SGCZ: variants seen among roughly 807,000 people sequenced by gnomAD.
SGCZ encodes the protein zeta-sarcoglycan.
SGCZ carries 40 observed loss-of-function variants against 41.3 expected under a neutral mutation model. The ratio of observed to expected loss-of-function variants is 0.97; its 90% CI spans 0.75 to 1.26. SGCZ has a LOEUF of 1.26. Among genes scored for constraint, SGCZ ranks in the 50% most tolerant of loss-of-function variants. SGCZ has a pLI of 0.00. For synonymous variants in SGCZ, 206 were observed against 137.5 expected (o/e 1.50, Z -3.49); for missense variants, 552 against 369.8 (o/e 1.49, Z -4.04).
At position 14,372,057 on chromosome 8, in the gene SGCZ, C is replaced by T. The variant is rs116645571; in HGVS notation, c.235-47853G>A. Among the ~76,000 whole-genome samples the T allele has an allele frequency of 5.0e-3, 758 of 151,766 alleles. 5 individuals carry two copies. Among genetic ancestry groups the T allele is most frequent in the African/African-American group, 0.018 (739 of 41,404 alleles). ...ATAGATCAATATGGACTAGAATAAA[C>T]TAGAGAAAATTAATGGAAATGGAGA... On this transcript the variant is annotated intron_variant, in intron 2 of 7. Transcript: ENST00000382080.
intron 1 of SGCZ, among the ~76,000 whole-genome samples, chr8:15,033,772 C>T (rs896220947): frequency 6.6e-6 from 1 of 152,146 alleles, no homozygotes; most frequent in East Asian, 1.9e-4. Flanking sequence ...TTCAGGTTGT[C>T]TCCTGAGGAT....
chr8:14,703,627 G>C (rs550356190), intron 1 of SGCZ, among the ~76,000 whole-genome samples: 514 of 152,058 alleles, frequency 3.4e-3, no homozygotes, highest in African/African-American at 0.011. Context: ...TTATGGTATA[G>C]CATTCATTGC....
chr8:14,498,018 G>A (rs942031968), intron 2 of SGCZ, among the ~76,000 whole-genome samples: 1 of 152,150 alleles, frequency 6.6e-6, no homozygotes, highest in African/African-American at 2.4e-5. Flanking sequence ...AGCAAGTGGT[G>A]AAGATACATA....
intron 1 of SGCZ, among the ~76,000 whole-genome samples, chr8:15,074,691 C>T (rs1370416285): frequency 1.3e-5 from 2 of 152,184 alleles, no homozygotes; most frequent in African/African-American, 2.4e-5. Context: ...TTCCTCCCGA[C>T]TCACGATTCC....
intron 1 of SGCZ, among the ~76,000 whole-genome samples, chr8:15,079,181 TTCC>T (rs2131041534): frequency 6.6e-6 from 1 of 152,336 alleles, no homozygotes; most frequent in East Asian, 1.9e-4. Flanking sequence ...GTTTTAGTTT[TTCC>T]TCCTATATTT....
chr8:14,589,743 A>G (rs1805181151), intron 1 of SGCZ, among the ~76,000 whole-genome samples: 1 of 152,156 alleles, frequency 6.6e-6, no homozygotes. Flanking sequence ...TAAAAGAAAA[A>G]CACACAGCAC....
intron 1 of SGCZ, among the ~76,000 whole-genome samples, chr8:14,767,514 C>T (rs1233587771): frequency 1.3e-5 from 2 of 152,054 alleles, no homozygotes; most frequent in Admixed American, 1.3e-4. Flanking sequence ...ACCAGTAAGA[C>T]CAAGGAATGT....
At chr8:14,322,281 G>C (rs1585361570) in intron 3 of SGCZ, among the ~76,000 whole-genome samples, 1 of 152,058 alleles carries the variant, frequency 6.6e-6, no homozygotes. Flanking sequence ...AATGAAGGAA[G>C]ACACAGGAAG....
At position 14,094,287 on chromosome 8, in the gene SGCZ, C is replaced by T. The variant is rs572475585; in HGVS notation, c.745-3650G>A. 2.6e-5 allele frequency among the ~76,000 whole-genome samples: 4 copies of T among 152,028 alleles called. No individual in the cohort carries two copies. In the South Asian group the frequency reaches 6.2e-4, roughly 24 times the overall value. ...GGTATTTGTCCTAATGCTATCCCTC[C>T]CCTAGCCCCCCCATGCCAGAGAGGA... On this transcript the variant is annotated intron_variant, in intron 7 of 7. Coordinates refer to ENST00000382080, the MANE Select transcript of SGCZ (RefSeq NM_139167.4).
intron 2 of SGCZ, among the ~76,000 whole-genome samples, chr8:14,339,670 AAGTAT>A (rs1368925864): frequency 3.3e-5 from 5 of 152,196 alleles, no homozygotes; most frequent in Non-Finnish European, 7.3e-5. Flanking sequence ...TTGCTGAGTA[AAGTAT>A]AGTGCATGAA....
rs189846394 is a variant in SGCZ at position 14,739,127 on chromosome 8, C to T, written c.40-184201G>A. 2.7e-3 allele frequency among the ~76,000 whole-genome samples: 409 copies of T among 151,872 alleles called. 10 individuals carry two copies. The highest frequency in any genetic ancestry group is 0.023 in the South Asian group (112 of 4,800). The stretch of plus-strand genomic sequence containing the variant: ...ACTACTGTGTATGTGTGTCTGTGTG[C>T]GTGAGAGAGAGAATAGTTCTTTAGG... On this transcript the variant is annotated intron_variant, in intron 1 of 7. Transcript: ENST00000382080.
chr8:14,584,533 C>G (rs1804998744), intron 1 of SGCZ, among the ~76,000 whole-genome samples: 2 of 151,972 alleles, frequency 1.3e-5, no homozygotes, highest in African/African-American at 4.8e-5. Flanking sequence ...CACAGGGAGA[C>G]AGATGAGAAA....
intron 2 of SGCZ, among the ~76,000 whole-genome samples, chr8:14,327,868 C>T (rs1201402913): frequency 1.3e-5 from 2 of 152,262 alleles, no homozygotes; most frequent in East Asian, 3.9e-4. Context: ...GCAACCTCCA[C>T]CTCCCAGGTT....
intron 1 of SGCZ, among the ~76,000 whole-genome samples, chr8:14,692,084 A>C (rs1286937948): frequency 6.6e-6 from 1 of 152,006 alleles, no homozygotes; most frequent in Non-Finnish European, 1.5e-5. Flanking sequence ...TACTATTTTT[A>C]GTCAAGAATT....
chr8:14,553,523 G>T (rs1563406496), intron 2 of SGCZ, among the ~76,000 whole-genome samples: 1 of 151,956 alleles, frequency 6.6e-6, no homozygotes, highest in Non-Finnish European at 1.5e-5. Context: ...AAAAAAAATG[G>T]AACCGTGGCT....
intron 2 of SGCZ, among the ~76,000 whole-genome samples, chr8:14,546,237 A>G (rs61111321): frequency 0.24 from 36,798 of 152,048 alleles, 4,568 homozygotes; most frequent in Middle Eastern, 0.41. Context: ...GTCACGCCCT[A>G]GAAGGTGGAG....
At chr8:14,635,793 T>C (rs1175899557) in intron 1 of SGCZ, among the ~76,000 whole-genome samples, 1 of 151,874 alleles carries the variant, frequency 6.6e-6, no homozygotes, top group African/African-American at 2.4e-5. Flanking sequence ...CCCTGGATGT[T>C]AAGTGCAGAC....
intron 1 of SGCZ, among the ~76,000 whole-genome samples, chr8:15,108,444 T>C (rs1286794699): frequency 1.3e-5 from 2 of 152,234 alleles, no homozygotes; most frequent in African/African-American, 4.8e-5. Flanking sequence ...ATTGGAAAGC[T>C]CTGTTAATGA....
intron 5 of SGCZ, among the ~76,000 whole-genome samples, chr8:14,122,352 C>T (rs889177552): frequency 1.4e-4 from 21 of 152,096 alleles, no homozygotes; most frequent in African/African-American, 5.1e-4. Context: ...ATTCACTGCC[C>T]ATGAGAGGGC....
Sources: gnomAD v4.1 joint callset for allele counts (sites outside exome capture counted in the v4.1 genomes callset) on GRCh38, gnomAD v4.1.1 for gene constraint, MANE v1.5 for transcripts, NCBI Gene and HGNC (gene_info 2026-07-23, HGNC 2026-07-21) for gene names.